The following COMMD10 variants were observed in gnomAD, a reference collection of about 807,000 sequenced individuals.
The protein encoded by COMMD10 is COMM domain-containing protein 10.
Under a neutral mutation model 28.9 loss-of-function variants are expected in COMMD10, and 33 were observed. That is an observed-to-expected ratio of 1.14 (90% CI 0.87 to 1.53). COMMD10 has a LOEUF of 1.53. Among genes scored for constraint, COMMD10 ranks in the 40% most tolerant of loss-of-function variants. COMMD10 has a pLI of 0.00. For missense variants in COMMD10, 310 were observed against 233.4 expected (o/e 1.33, Z -2.14); for synonymous variants, 110 against 81.7 (o/e 1.35, Z -1.87).
chr5:116,174,239 C>T (rs577925808), intron 5 of COMMD10, among the ~76,000 whole-genome samples: 2 of 152,068 alleles, frequency 1.3e-5, no homozygotes, highest in Non-Finnish European at 2.9e-5. Context: ...ATTGCAAAGG[C>T]CCTGAGATGG....
chr5:116,133,895 A>G (rs189055148), intron 4 of COMMD10, among the ~76,000 whole-genome samples, 173 bp from the exon 5 acceptor site: 68 of 152,292 alleles, frequency 4.5e-4, no homozygotes, highest in African/African-American at 1.6e-3. Context: ...AGGCCAATCT[A>G]ATAAGCCCAA....
intron 5 of COMMD10, among the ~76,000 whole-genome samples, chr5:116,134,392 GA>G (rs3215176): frequency 0.053 from 8,035 of 151,948 alleles, 288 homozygotes; most frequent in East Asian, 0.14. Flanking sequence ...ATTCTGCAGT[GA>G]AAAAAAATTG....
intron 4 of COMMD10, among the ~76,000 whole-genome samples, chr5:116,117,809 A>G (rs1351147657): frequency 6.6e-6 from 1 of 152,184 alleles, no homozygotes; most frequent in African/African-American, 2.4e-5. Context: ...TGTTTTAAAA[A>G]AACGTTTTGT....
At chr5:116,193,270 G>A (rs1748418900) in intron 5 of COMMD10, among the ~76,000 whole-genome samples, 1 of 151,994 alleles carries the variant, frequency 6.6e-6, no homozygotes, top group South Asian at 2.1e-4. Flanking sequence ...CAAAAACAAA[G>A]TACGCAGGCA....
intron 5 of COMMD10, among the ~76,000 whole-genome samples, chr5:116,165,097 T>C (rs533899958): frequency 1.3e-5 from 2 of 152,328 alleles, no homozygotes; most frequent in East Asian, 3.9e-4. Context: ...CATATCCTTA[T>C]GCTGTTGAGG....
At chr5:116,206,003 G>A (rs1167816499) in intron 5 of COMMD10, among the ~76,000 whole-genome samples, 1 of 152,102 alleles carries the variant, frequency 6.6e-6, no homozygotes, top group East Asian at 1.9e-4. Flanking sequence ...AAGTAAAAGG[G>A]CACTTGAGAA....
At chr5:116,258,197 C>G (rs1028219409) in intron 5 of COMMD10, among the ~76,000 whole-genome samples, 1 of 151,618 alleles carries the variant, frequency 6.6e-6, no homozygotes, top group Non-Finnish European at 1.5e-5. Context: ...ACATCCAAAA[C>G]CTTTTCTCTT....
At chr5:116,122,157 T>A (rs1398924493) in intron 4 of COMMD10, among the ~76,000 whole-genome samples, 1 of 152,248 alleles carries the variant, frequency 6.6e-6, no homozygotes, top group African/African-American at 2.4e-5. Context: ...TTAATTTTTG[T>A]ATAAGGTGTA....
chr5:116,230,854 G>T (rs374314412), intron 5 of COMMD10, among the ~76,000 whole-genome samples: 1 of 139,626 alleles, frequency 7.2e-6, no homozygotes, highest in Non-Finnish European at 1.6e-5. Flanking sequence ...TAAATAATAC[G>T]TGTGTGTGTG....
chr5:116,231,381 C>T lies in COMMD10; in HGVS notation c.511-60136C>T, dbSNP rs114439527. ...GCAATACTAATGTTTAATATTAGAACAGTTAGCAGTAGTTAACTTTGGAGA... is the reference window on the plus strand; with the variant it reads ...GCAATACTAATGTTTAATATTAGAATAGTTAGCAGTAGTTAACTTTGGAGA... On this transcript the variant is annotated intron_variant, in intron 5 of 6. Transcript: ENST00000274458. Among the ~76,000 whole-genome samples the T allele has an allele frequency of 9.0e-3, 1,371 of 152,156 alleles. 24 individuals are homozygous for T. Among genetic ancestry groups the T allele is most frequent in the African/African-American group, 0.031 (1,291 of 41,514 alleles).
At chr5:116,251,810 G>A (rs1380906602) in intron 5 of COMMD10, among the ~76,000 whole-genome samples, 1 of 152,118 alleles carries the variant, frequency 6.6e-6, no homozygotes, top group Non-Finnish European at 1.5e-5. Flanking sequence ...TATATACCCA[G>A]TAATGGGATG....
chr5:116,128,541 C>A (rs1251732056), intron 4 of COMMD10, among the ~76,000 whole-genome samples: 1 of 149,050 alleles, frequency 6.7e-6, no homozygotes, highest in Non-Finnish European at 1.5e-5. Context: ...TAACTTAAGG[C>A]AAAACTCTAT....
chr5:116,248,468 A>G (rs983074030), intron 5 of COMMD10, among the ~76,000 whole-genome samples: 2 of 152,024 alleles, frequency 1.3e-5, no homozygotes, highest in African/African-American at 4.8e-5. Flanking sequence ...GGAAGATAGG[A>G]GAGAGTAAAG....
chr5:116,086,612 C>T (rs150846822), intron 1 of COMMD10, among the ~76,000 whole-genome samples: 3,181 of 152,242 alleles, frequency 0.021, 108 homozygotes, highest in African/African-American at 0.071. Flanking sequence ...GCACCCGCCA[C>T]CACGCCCAGC....
chr5:116,237,507 T>C (rs1023835493), intron 5 of COMMD10, among the ~76,000 whole-genome samples: 1 of 152,166 alleles, frequency 6.6e-6, no homozygotes, highest in South Asian at 2.1e-4. Context: ...AAAATGTAGA[T>C]AAACGTTACA....
chr5:116,291,728 A>G (rs1011020286), intron 6 of COMMD10, 152 bp downstream of exon 6: 12 of 491,314 alleles, frequency 2.4e-5, no homozygotes, highest in Non-Finnish European at 3.9e-5. Context: ...AGGAGGAAGT[A>G]TAGCAGAAAT....
intron 5 of COMMD10, among the ~76,000 whole-genome samples, chr5:116,261,232 G>T (rs1443040455): frequency 6.6e-6 from 1 of 151,696 alleles, no homozygotes. Flanking sequence ...TGATTATAAT[G>T]TTCATAACTG....
At chr5:116,264,698 C>T (rs1750537731) in intron 5 of COMMD10, among the ~76,000 whole-genome samples, 1 of 151,854 alleles carries the variant, frequency 6.6e-6, no homozygotes, top group Non-Finnish European at 1.5e-5. Flanking sequence ...CATTGCTTTT[C>T]TTAACATTTT....
At chr5:116,243,864 T>C (rs1749873892) in intron 5 of COMMD10, among the ~76,000 whole-genome samples, 1 of 152,058 alleles carries the variant, frequency 6.6e-6, no homozygotes, top group African/African-American at 2.4e-5. Context: ...TCAAGGCAGT[T>C]TCAGAAATAA....
Sources: allele counts gnomAD v4.1 joint callset (sites outside exome capture counted in the v4.1 genomes callset), GRCh38; gene constraint gnomAD v4.1.1; transcripts MANE v1.5; gene names NCBI Gene and HGNC (gene_info 2026-07-23, HGNC 2026-07-21).